ARMH3: variants seen among roughly 807,000 people sequenced by gnomAD.
ARMH3 encodes armadillo like helical domain containing 3.
Under a neutral mutation model 99.1 loss-of-function variants are expected in ARMH3, and 60 were observed. The ratio of observed to expected loss-of-function variants is 0.61; its 90% confidence interval spans 0.49 to 0.75. The LOEUF (loss-of-function observed/expected upper bound fraction) is 0.75, where lower values mean the gene tolerates loss of function less well. Ranked by LOEUF, ARMH3 falls within the 30% of genes least tolerant of loss-of-function variation. The pLI is 0.00. For missense variants in ARMH3, 679 were observed against 843.1 expected (o/e 0.81, Z 2.41); for synonymous variants, 285 against 292.8 (o/e 0.97, Z 0.27).
chr10:101,890,991 C>G (rs1402454900), intron 23 of ARMH3, among the ~76,000 whole-genome samples: 1 of 151,280 alleles, frequency 6.6e-6, no homozygotes, highest in African/African-American at 2.4e-5. Flanking sequence ...CCTCCCACTT[C>G]AGCCTCCCAA....
chr10:101,970,108 C>T (rs552404541), intron 20 of ARMH3, among the ~76,000 whole-genome samples: 1 of 152,224 alleles, frequency 6.6e-6, no homozygotes, highest in African/African-American at 2.4e-5. Context: ...AATAAGCTGA[C>T]TCCATGAAGC....
chr10:102,041,655 CT>C (rs879302790), intron 1 of ARMH3, among the ~76,000 whole-genome samples: 315 of 144,842 alleles, frequency 2.2e-3, no homozygotes, highest in Admixed American at 2.2e-3. Flanking sequence ...TATTTTTAGA[CT>C]TTTTTTTTTT....
intron 5 of ARMH3, among the ~76,000 whole-genome samples, chr10:102,027,108 G>A (rs1248983511): frequency 3.7e-4 from 56 of 152,088 alleles, no homozygotes; most frequent in Admixed American, 3.7e-3. Context: ...GTGAAACCCT[G>A]TCTCTACTAC....
chr10:102,037,283 G>C (rs2067300852), intron 2 of ARMH3, among the ~76,000 whole-genome samples: 1 of 149,982 alleles, frequency 6.7e-6, no homozygotes, highest in South Asian at 2.1e-4. Context: ...CCGGGTTCAA[G>C]CGATTCTCCT....
At chr10:102,052,908 T>C (rs2067741060) in intron 1 of ARMH3, among the ~76,000 whole-genome samples, 1 of 152,066 alleles carries the variant, frequency 6.6e-6, no homozygotes, top group Non-Finnish European at 1.5e-5. Context: ...CCATATCCCC[T>C]ATGCCTCTTT....
chr10:102,009,343 A>C (rs755511931), intron 13 of ARMH3, 31 bp downstream of exon 13: 60 of 1,585,632 alleles, frequency 3.8e-5, no homozygotes, highest in Non-Finnish European at 4.9e-5. Context: ...TTTAGAGAGA[A>C]AAAAACACTG....
At chr10:101,972,940 GAA>G (rs1266924320) in intron 20 of ARMH3, among the ~76,000 whole-genome samples, 2 of 152,144 alleles carry the variant, frequency 1.3e-5, no homozygotes, top group Non-Finnish European at 2.9e-5. Context: ...TGAAAGTTCT[GAA>G]AGACATAACG....
At chr10:102,020,292 T>G (rs1464010698) in intron 8 of ARMH3, among the ~76,000 whole-genome samples, 1 of 152,108 alleles carries the variant, frequency 6.6e-6, no homozygotes, top group East Asian at 1.9e-4. Context: ...CCCAGAACTT[T>G]GGGAGGCCAA....
intron 23 of ARMH3, among the ~76,000 whole-genome samples, chr10:101,906,250 G>A (rs1842633307): frequency 6.6e-6 from 1 of 152,160 alleles, no homozygotes; most frequent in African/African-American, 2.4e-5. Context: ...CCTTGTTTGA[G>A]AAAGTTTCTC....
At chr10:101,868,383 G>A (rs1022021312) in intron 24 of ARMH3, among the ~76,000 whole-genome samples, 4 of 152,156 alleles carry the variant, frequency 2.6e-5, no homozygotes, top group Admixed American at 2.6e-4. Flanking sequence ...GCAAATCGTG[G>A]AAAAAGACTG....
At chr10:101,893,534 C>T (rs776325673) in intron 23 of ARMH3, among the ~76,000 whole-genome samples, 11 of 151,924 alleles carry the variant, frequency 7.2e-5, no homozygotes, top group Non-Finnish European at 1.0e-4. Flanking sequence ...TAGCAGCCAC[C>T]GGGGCAACCC....
At chr10:101,867,905 G>C (rs1228986051) in intron 24 of ARMH3, among the ~76,000 whole-genome samples, 1 of 151,344 alleles carries the variant, frequency 6.6e-6, no homozygotes, top group Non-Finnish European at 1.5e-5. Context: ...TTGGGACGCT[G>C]AGGCAGGAGA....
chr10:101,975,726 T>C (rs953470812), intron 19 of ARMH3, among the ~76,000 whole-genome samples: 6 of 151,334 alleles, frequency 4.0e-5, no homozygotes, highest in African/African-American at 1.5e-4. Context: ...TAGCTGGGTG[T>C]GGTGACATGT....
chr10:102,010,352 A>G (rs755066961), intron 11 of ARMH3, among the ~76,000 whole-genome samples: 6 of 152,234 alleles, frequency 3.9e-5, no homozygotes, highest in Non-Finnish European at 7.3e-5. Flanking sequence ...TCTGACAGTT[A>G]ACCTACACAT....
At chr10:101,915,824 G>A (rs1316501533) in intron 23 of ARMH3, among the ~76,000 whole-genome samples, 1 of 126,424 alleles carries the variant, frequency 7.9e-6, no homozygotes, top group Non-Finnish European at 1.6e-5. Context: ...TTTTTTTTGA[G>A]ACGGAGTCTC....
At chr10:102,005,405 A>G (rs1247998384) in intron 14 of ARMH3, among the ~76,000 whole-genome samples, 1 of 143,898 alleles carries the variant, frequency 6.9e-6, no homozygotes, top group African/African-American at 2.5e-5. Context: ...AAAAAAAAAG[A>G]TATTTTGGGA....
chr10:101,914,823 A>T (rs1423516139), intron 23 of ARMH3, among the ~76,000 whole-genome samples: 2 of 142,790 alleles, frequency 1.4e-5, no homozygotes, highest in African/African-American at 2.6e-5. Flanking sequence ...CCAAGATCAC[A>T]GCTATTACAC....
At chr10:101,975,814 C>T (rs923874987) in intron 19 of ARMH3, among the ~76,000 whole-genome samples, 4 of 149,766 alleles carry the variant, frequency 2.7e-5, no homozygotes, top group African/African-American at 4.9e-5. Context: ...GAGTCGAGAT[C>T]GTGCCACTGC....
At chr10:101,983,363 C>A (rs1846316254) in intron 19 of ARMH3, among the ~76,000 whole-genome samples, 2 of 152,212 alleles carry the variant, frequency 1.3e-5, no homozygotes, top group South Asian at 4.1e-4. Flanking sequence ...CTCACCGCAG[C>A]CTTGACCTCC....
Sources: gnomAD v4.1 joint callset for allele counts (sites outside exome capture counted in the v4.1 genomes callset) on GRCh38, gnomAD v4.1.1 for gene constraint, MANE v1.5 for transcripts, NCBI Gene and HGNC (gene_info 2026-07-23, HGNC 2026-07-21) for gene names.